The following FIG4 variants were observed in gnomAD, a reference collection of about 807,000 sequenced individuals.
The protein encoded by FIG4 is polyphosphoinositide phosphatase.
In FIG4, 112 loss-of-function variants were observed where a neutral mutation model predicts 118.6. That is an observed-to-expected ratio of 0.94 (90% CI 0.81 to 1.11). The LOEUF is 1.11. FIG4 is among the 50% of genes least tolerant of loss of function. The probability of loss-of-function intolerance (pLI) is 0.00; values close to 1 mark genes in which losing one functional copy is unlikely to be tolerated. For synonymous variants in FIG4, 369 were observed against 381.2 expected (o/e 0.97, Z 0.37); for missense variants, 969 against 1,111.7 (o/e 0.87, Z 1.83).
At chr6:109,752,163 T>C (rs1193573444) in intron 10 of FIG4, among the ~76,000 whole-genome samples, 1 of 152,050 alleles carries the variant, frequency 6.6e-6, no homozygotes, top group Non-Finnish European at 1.5e-5. Context: ...ACAAAGGACA[T>C]GAATTCATCA....
chr6:109,749,748 T>TG (rs1414491563), intron 10 of FIG4, among the ~76,000 whole-genome samples: 2 of 152,266 alleles, frequency 1.3e-5, no homozygotes, highest in Admixed American at 1.3e-4. Flanking sequence ...ATCATACATG[T>TG]GATCATAATG....
intron 1 of FIG4, among the ~76,000 whole-genome samples, chr6:109,706,445 G>A (rs1775068384): frequency 6.6e-6 from 1 of 152,144 alleles, no homozygotes; most frequent in Admixed American, 6.6e-5. Flanking sequence ...GTTATAGCAT[G>A]CTATTCATGA....
chr6:109,768,062 G>T (rs552766497), intron 15 of FIG4, among the ~76,000 whole-genome samples: 70 of 152,300 alleles, frequency 4.6e-4, no homozygotes, highest in African/African-American at 1.7e-3. Flanking sequence ...GCTGAGGAGA[G>T]TGTGCCACAT....
Position 109,722,661 on chromosome 6 carries a change from C to T in FIG4, c.290-4448C>T, listed in dbSNP as rs965723703. Among the ~76,000 whole-genome samples, 41 of 152,002 alleles carry T rather than the reference C, an allele frequency of 2.7e-4. 1 individual carries two copies. Among genetic ancestry groups the T allele is most frequent in the Non-Finnish European group, 8.8e-5 (6 of 68,006 alleles). On this transcript the variant is annotated intron_variant, in intron 3 of 22. Coordinates refer to ENST00000230124, the MANE Select transcript of FIG4 (RefSeq NM_014845.6). ...TTTATGGCATCCCTCTTCATTCTGG[C>T]TTTCATTGCTTCTGATGAGAAGACA...
intron 1 of FIG4, among the ~76,000 whole-genome samples, chr6:109,708,854 G>A (rs1030917837): frequency 1.3e-4 from 19 of 151,916 alleles, no homozygotes; most frequent in African/African-American, 4.6e-4. Flanking sequence ...CACAGATGGT[G>A]GATATTAGAT....
intron 22 of FIG4, among the ~76,000 whole-genome samples, chr6:109,808,350 CAAAAAAAAAAAAAA>C (rs55948419): frequency 1.6e-4 from 11 of 67,060 alleles, no homozygotes; most frequent in Non-Finnish European, 2.7e-4. Flanking sequence ...ACACTCACAG[CAAAAAAAAAAAAAA>C]AAAAAAAAAA....
Position 109,735,168 on chromosome 6 carries a change from C to T in FIG4, c.516C>T (p.Ser172=), listed in dbSNP as rs759246119. The change falls in exon 6 of 23, where the codon TCC becomes TCT. Residue 172 remains serine (S), a synonymous_variant. Coordinates refer to ENST00000230124, the MANE Select transcript of FIG4 (RefSeq NM_014845.6). The stretch of plus-strand genomic sequence containing the variant: ...TTCTCAGTTACAGCTATGATTTGTC[C>T]CACTCACTTCAATATAATCTCACTG... The part of the protein sequence containing the change: ...NFYFSYSYDL[S]HSLQYNLTVL... 2 of 1,612,570 alleles carry T rather than the reference C, an allele frequency of 1.2e-6. No individual in the cohort carries two copies. Among genetic ancestry groups the T allele is most frequent in the Non-Finnish European group, 1.7e-6 (2 of 1,178,950 alleles).
At chr6:109,798,041 T>C (rs1356779204) in intron 22 of FIG4, among the ~76,000 whole-genome samples, 2 of 152,234 alleles carry the variant, frequency 1.3e-5, no homozygotes, top group African/African-American at 2.4e-5. Flanking sequence ...GTTTGATCAA[T>C]TAATTGTTTA....
chr6:109,732,058 T>C (rs1384299822), intron 4 of FIG4, among the ~76,000 whole-genome samples: 1 of 152,032 alleles, frequency 6.6e-6, no homozygotes, highest in African/African-American at 2.4e-5. Context: ...GACAGGAAAA[T>C]GGTTGCATTT....
At chr6:109,772,226 T>A (rs1400893526) in intron 15 of FIG4, among the ~76,000 whole-genome samples, 1 of 152,198 alleles carries the variant, frequency 6.6e-6, no homozygotes, top group East Asian at 1.9e-4. Context: ...CTCAGTGGGA[T>A]ATTGAGATCT....
chr6:109,756,832 T>A (rs1356176454), intron 10 of FIG4, among the ~76,000 whole-genome samples: 1 of 152,230 alleles, frequency 6.6e-6, no homozygotes, highest in Non-Finnish European at 1.5e-5. Flanking sequence ...TAGTTATACA[T>A]TCGTTTAAAT....
intron 2 of FIG4, 73 bp from the exon 3 acceptor site, chr6:109,716,372 A>G: frequency 6.5e-7 from 1 of 1,538,362 alleles, no homozygotes; most frequent in Non-Finnish European, 8.9e-7. Context: ...GTAACTTTTT[A>G]ACTTTCAGGC....
At chr6:109,736,492 G>A (rs1776162903) in intron 6 of FIG4, among the ~76,000 whole-genome samples, 1 of 152,140 alleles carries the variant, frequency 6.6e-6, no homozygotes, top group Admixed American at 6.6e-5. Flanking sequence ...CATACCACTA[G>A]AGACAGATAG....
At chr6:109,823,798 G>A (rs1053763937) in intron 22 of FIG4, among the ~76,000 whole-genome samples, 5 of 152,160 alleles carry the variant, frequency 3.3e-5, no homozygotes, top group Non-Finnish European at 7.3e-5. Context: ...CAGCAGAATA[G>A]ATTCTCCAGA....
chr6:109,803,396 G>A (rs1778476265), intron 22 of FIG4, among the ~76,000 whole-genome samples: 1 of 152,160 alleles, frequency 6.6e-6, no homozygotes, highest in African/African-American at 2.4e-5. Context: ...ATATTTGAGA[G>A]GCCAGGGGTT....
At chr6:109,819,192 G>A (rs1379930238) in intron 22 of FIG4, among the ~76,000 whole-genome samples, 2 of 152,164 alleles carry the variant, frequency 1.3e-5, no homozygotes, top group Non-Finnish European at 2.9e-5. Context: ...GGTGGCAAAG[G>A]AAAATTAAAA....
At position 109,743,202 on chromosome 6, in the gene FIG4, A is replaced by G. The variant is rs1478659107; in HGVS notation, c.969A>G (p.Gln323=). 1 of 1,612,946 alleles carries G rather than the reference A, an allele frequency of 6.2e-7. No homozygotes were observed. The highest frequency in any genetic ancestry group is 1.7e-5 in the Admixed American group (1 of 59,908). Residue 323 remains glutamine, a synonymous_variant, in exon 9 of 23, where the codon CAA becomes CAG. Coordinates refer to ENST00000230124, the MANE Select transcript of FIG4 (RefSeq NM_014845.6). ...CAGGAAGTTATTCTTCATATGTACA[A>G]GTTAGAGGATCTGTGCCCTTATACT... ...FTAGSYSSYV[Q]VRGSVPLYWS... is the part of the protein sequence containing the mutation.
At chr6:109,727,667 CA>C (rs1775862862) in intron 4 of FIG4, among the ~76,000 whole-genome samples, 1 of 152,018 alleles carries the variant, frequency 6.6e-6, no homozygotes, top group Non-Finnish European at 1.5e-5. Context: ...ATGAAAAAAA[CA>C]GCAGACATTC....
chr6:109,710,788 G>A (rs571063806), intron 1 of FIG4, among the ~76,000 whole-genome samples: 1 of 152,210 alleles, frequency 6.6e-6, no homozygotes, highest in Non-Finnish European at 1.5e-5. Flanking sequence ...ACTATTCTCT[G>A]ATGGTTGTTA....
Sources: allele counts gnomAD v4.1 joint callset (sites outside exome capture counted in the v4.1 genomes callset), GRCh38; gene constraint gnomAD v4.1.1; transcripts MANE v1.5; gene names NCBI Gene and HGNC (gene_info 2026-07-23, HGNC 2026-07-21).